Variants in SGPP1 observed in about 807,000 individuals in gnomAD.
SGPP1 encodes the protein hSPP1.
In SGPP1, 21 loss-of-function variants were observed where a neutral mutation model predicts 33.0. The observed-to-expected ratio is 0.64, with a 90% CI of 0.45 to 0.92. The LOEUF (loss-of-function observed/expected upper bound fraction) is 0.92, where lower values mean the gene tolerates loss of function less well. SGPP1 is among the 40% of genes least tolerant of loss of function. SGPP1 has a pLI of 0.00. For missense variants in SGPP1, 543 were observed against 589.4 expected (o/e 0.92, Z 0.81); for synonymous variants, 239 against 241.2 (o/e 0.99, Z 0.08).
At chr14:63,717,054 G>A (rs1885645228) in intron 1 of SGPP1, among the ~76,000 whole-genome samples, 1 of 152,032 alleles carries the variant, frequency 6.6e-6, no homozygotes, top group South Asian at 2.1e-4. Flanking sequence ...ATAATGAGCT[G>A]AGAAATTGAA....
chr14:63,695,174 A>G (rs1416755874), intron 2 of SGPP1, among the ~76,000 whole-genome samples: 2 of 152,040 alleles, frequency 1.3e-5, no homozygotes, highest in Non-Finnish European at 2.9e-5. Flanking sequence ...CTCCTGCCTC[A>G]GCCTCCCCAG....
At position 63,686,261 on chromosome 14, in the gene SGPP1, T is replaced by G. The variant is rs1428110492; in HGVS notation, c.1170A>C (p.Leu390Phe). 6.2e-7 allele frequency: 1 copy of G among 1,614,196 alleles called. No homozygotes were observed. Among genetic ancestry groups the G allele is most frequent in the South Asian group, 1.1e-5 (1 of 91,084 alleles). The change falls in exon 3 of 3, where the codon TTA becomes TTC. Residue 390 changes from leucine to phenylalanine, a missense_variant. Transcript: ENST00000247225. ...ACGGTATATTGAAGATTTTGCAGGCTAAAGGAATGGTGATCTTTTTCATTA... is the reference window on the plus strand; with the variant it reads ...ACGGTATATTGAAGATTTTGCAGGCGAAAGGAATGGTGATCTTTTTCATTA... Reference protein sequence around the residue: ...RDVMKKITIPLACKIFNIPCD... With the variant: ...RDVMKKITIPFACKIFNIPCD...
At chr14:63,691,203 C>T (rs529254023) in intron 2 of SGPP1, among the ~76,000 whole-genome samples, 21 of 152,208 alleles carry the variant, frequency 1.4e-4, no homozygotes, top group African/African-American at 4.6e-4. Context: ...TGTTTACGCT[C>T]GATCTTAGCC....
chr14:63,718,272 G>A (rs1434758964), intron 1 of SGPP1, among the ~76,000 whole-genome samples: 4 of 149,284 alleles, frequency 2.7e-5, no homozygotes, highest in Admixed American at 6.7e-5. Context: ...GAAGTGCCAA[G>A]AGAAAAAACA....
At chr14:63,714,135 G>A (rs1288665376) in intron 1 of SGPP1, among the ~76,000 whole-genome samples, 1 of 152,230 alleles carries the variant, frequency 6.6e-6, no homozygotes, top group Non-Finnish European at 1.5e-5. Flanking sequence ...CTTGGACTGG[G>A]AGTTACACCA....
intron 2 of SGPP1, among the ~76,000 whole-genome samples, chr14:63,689,927 T>A (rs950868896): frequency 2.0e-5 from 3 of 152,252 alleles, no homozygotes; most frequent in Non-Finnish European, 2.9e-5. Context: ...TAGTTATCGG[T>A]CATTCACTTT....
At chr14:63,688,380 T>C (rs1042972837) in intron 2 of SGPP1, among the ~76,000 whole-genome samples, 3 of 147,578 alleles carry the variant, frequency 2.0e-5, no homozygotes, top group Non-Finnish European at 4.5e-5. Flanking sequence ...TGATGATGGA[T>C]TGAATGTGAG....
At chr14:63,687,029 T>G (rs1455745637) in intron 2 of SGPP1, among the ~76,000 whole-genome samples, 1 of 152,356 alleles carries the variant, frequency 6.6e-6, no homozygotes, top group East Asian at 1.9e-4. Context: ...ATTATCTCCA[T>G]GACCACACAG....
chr14:63,687,886 C>T (rs139694953), intron 2 of SGPP1, among the ~76,000 whole-genome samples: 6 of 152,056 alleles, frequency 3.9e-5, no homozygotes, highest in African/African-American at 7.2e-5. Context: ...TTTCAGAGGC[C>T]GAGGCGGGTG....
At position 63,698,667 on chromosome 14, in the gene SGPP1, G is replaced by GA; in HGVS notation, c.685-10dup. ...CCATATATAAGAGGGTACTAAAGGG[G>GA]AAAAAAAGTAAAATTAGTTAAACAA... On this transcript the variant is annotated splice_polypyrimidine_tract_variant and intron_variant, in intron 1 of 2. Transcript: ENST00000247225. 6 of 1,479,934 alleles carry GA rather than the reference G, an allele frequency of 4.1e-6. No individual in the cohort carries two copies. The highest frequency in any genetic ancestry group is 5.5e-6 in the Non-Finnish European group (6 of 1,089,306). The allele number at this position is 1,479,934 out of a possible 1,614,324, so 91.7% of individuals were successfully genotyped here. A position where few individuals can be genotyped will look rare whatever the true frequency, so the allele number is the denominator to read the frequency against.
At chr14:63,707,304 C>T (rs11158505) in intron 1 of SGPP1, among the ~76,000 whole-genome samples, 31,412 of 151,632 alleles carry the variant, frequency 0.21, 6,742 homozygotes, top group African/African-American at 0.55. Flanking sequence ...CCATACTAGT[C>T]GATATAATCT....
chr14:63,696,756 C>CA (rs1885195646), intron 2 of SGPP1, among the ~76,000 whole-genome samples: 1 of 152,128 alleles, frequency 6.6e-6, no homozygotes, highest in South Asian at 2.1e-4. Flanking sequence ...GAGGCCAAGG[C>CA]AGGTGGATTA....
intron 1 of SGPP1, among the ~76,000 whole-genome samples, chr14:63,703,802 T>C (rs1378598829): frequency 7.3e-6 from 1 of 137,692 alleles, no homozygotes; most frequent in Non-Finnish European, 1.6e-5. Flanking sequence ...CTATTTAAGT[T>C]TTTTTTTTTT....
Position 63,684,672 on chromosome 14 carries a change from C to G in SGPP1, c.*1433G>C, listed in dbSNP as rs1287678088. ...TGCACTAAAATCAGTAATTTCATAC[C>G]TGGTATTTATTTATATGGAAAGTTA... On this transcript the variant is annotated 3_prime_UTR_variant, in exon 3 of 3. Transcript: ENST00000247225. The G allele has an allele frequency of 6.6e-6, 1 of 152,360 alleles. No homozygotes were observed. The highest frequency in any genetic ancestry group is 1.9e-4 in the East Asian group (1 of 5,192). 9.4% of individuals were successfully genotyped at this position (152,360 alleles called of 1,614,324 possible). A position where few individuals can be genotyped will look rare whatever the true frequency, so the allele number is the denominator to read the frequency against.
chr14:63,705,177 TTATC>T (rs1885382917), intron 1 of SGPP1, among the ~76,000 whole-genome samples: 1 of 148,512 alleles, frequency 6.7e-6, no homozygotes, highest in African/African-American at 2.5e-5. Flanking sequence ...TCAAAGGAAA[TTATC>T]AAGAAAGTGA....
At chr14:63,724,718 C>T (rs1355230567) in intron 1 of SGPP1, among the ~76,000 whole-genome samples, 1 of 149,320 alleles carries the variant, frequency 6.7e-6, no homozygotes, top group East Asian at 2.0e-4. Context: ...GGTGGGGAGG[C>T]CGATGAGCGG....
chr14:63,727,829 C>T lies in SGPP1; in HGVS notation c.116G>A (p.Arg39Gln), dbSNP rs766263016. 31 of 1,510,072 alleles carry T rather than the reference C, an allele frequency of 2.1e-5. No individual in the cohort carries two copies. Among genetic ancestry groups the T allele is most frequent in the Non-Finnish European group, 2.6e-5 (30 of 1,135,572 alleles). The allele number at this position is 1,510,072 out of a possible 1,614,324, so 93.5% of individuals were successfully genotyped here. The change falls in exon 1 of 3, where the codon CGG becomes CAG. Residue 39 changes from arginine to glutamine, a missense_variant. Physicochemically the swap from Arg to Gln is conservative, Grantham distance 43 (BLOSUM62 1). Transcript: ENST00000247225. ...CGCCTCCGCTTTCTCATCCTCCCTCCGGTCTGCTGAGCGGCGCGGCGGCGC... is the reference window on the plus strand; with the variant it reads ...CGCCTCCGCTTTCTCATCCTCCCTCTGGTCTGCTGAGCGGCGCGGCGGCGC... ...VEAPPRRSAD[R>Q]REDEKAEAPL... is the part of the protein sequence containing the mutation.
Position 63,727,787 on chromosome 14 carries a change from G to A in SGPP1, c.158C>T (p.Pro53Leu). The change falls in exon 1 of 3, where the codon CCT becomes CTT. Residue 53 changes from proline (P) to leucine (L), a missense_variant. Coordinates refer to ENST00000247225, the MANE Select transcript of SGPP1 (RefSeq NM_030791.4). ...CCCTGGCTGCCGCCCTCGCAGTCGA[G>A]GGTCTCCGGCGAGAGGCGCCTCCGC... ...EKAEAPLAGD[P>L]RLRGRQPGAP... The A allele has an allele frequency of 6.7e-7, 1 of 1,503,494 alleles. No individual in the cohort carries two copies. The highest frequency in any genetic ancestry group is 2.8e-5 in the East Asian group (1 of 36,266). The allele number at this position is 1,503,494 out of a possible 1,614,324, so 93.1% of individuals were successfully genotyped here. A position where few individuals can be genotyped will look rare whatever the true frequency, so the allele number is the denominator to read the frequency against.
chr14:63,697,766 AT>A (rs1271767398), intron 2 of SGPP1, among the ~76,000 whole-genome samples: 1 of 152,246 alleles, frequency 6.6e-6, no homozygotes, highest in Non-Finnish European at 1.5e-5. Context: ...TGAAAGGGGC[AT>A]TCCAAGTAAA....
Sources: gnomAD v4.1 joint callset for allele counts (sites outside exome capture counted in the v4.1 genomes callset) on GRCh38, gnomAD v4.1.1 for gene constraint, MANE v1.5 for transcripts, NCBI Gene and HGNC (gene_info 2026-07-23, HGNC 2026-07-21) for gene names.